CCDC148: variants seen among roughly 807,000 people sequenced by gnomAD.
The protein encoded by CCDC148 is coiled-coil domain-containing protein 148.
In CCDC148, 89 loss-of-function variants were observed where a neutral mutation model predicts 85.7. The ratio of observed to expected loss-of-function variants is 1.04; its 90% CI spans 0.87 to 1.24. The LOEUF (loss-of-function observed/expected upper bound fraction) is 1.24, where lower values mean the gene tolerates loss of function less well. CCDC148 is among the 50% of genes most tolerant of loss of function. CCDC148 has a pLI of 0.00. For missense variants in CCDC148, 692 were observed against 671.7 expected, an observed-to-expected ratio of 1.03 and a Z score of -0.33; for synonymous variants, 230 against 213.9, an observed-to-expected ratio of 1.08 and a Z score of -0.66.
chr2:158,310,134 G>A (rs1005577276), intron 8 of CCDC148, among the ~76,000 whole-genome samples: 2 of 152,164 alleles, frequency 1.3e-5, no homozygotes, highest in African/African-American at 4.8e-5. Context: ...CTCTTAAGGA[G>A]CACGCTGCCT....
chr2:158,417,037 A>G (rs1038061608), intron 1 of CCDC148, among the ~76,000 whole-genome samples: 8 of 152,158 alleles, frequency 5.3e-5, no homozygotes, highest in Non-Finnish European at 1.0e-4. Context: ...GGTGCTATAC[A>G]CTTTTAAACA....
chr2:158,288,811 T>A (rs1233726361), intron 9 of CCDC148: 8 of 377,230 alleles, frequency 2.1e-5, no homozygotes, highest in Non-Finnish European at 5.2e-6. Flanking sequence ...TCCATTTTCA[T>A]GCTGCTGATA....
intron 9 of CCDC148, among the ~76,000 whole-genome samples, chr2:158,283,687 A>G (rs1690460831): frequency 6.6e-6 from 1 of 151,868 alleles, no homozygotes; most frequent in East Asian, 1.9e-4. Context: ...GGGACTGTAA[A>G]CTAGTTCAAC....
At chr2:158,346,250 G>C (rs1365496681) in intron 2 of CCDC148, among the ~76,000 whole-genome samples, 1 of 152,196 alleles carries the variant, frequency 6.6e-6, no homozygotes, top group Admixed American at 6.5e-5. Context: ...TGGGATGGGA[G>C]ACTGAAGGCA....
At chr2:158,382,205 G>A (rs1055103755) in intron 1 of CCDC148, among the ~76,000 whole-genome samples, 4 of 152,006 alleles carry the variant, frequency 2.6e-5, no homozygotes, top group African/African-American at 9.7e-5. Flanking sequence ...CTCCAGAACC[G>A]TAAGCAATCA....
intron 11 of CCDC148, among the ~76,000 whole-genome samples, chr2:158,207,131 T>C (rs757352643): frequency 1.3e-5 from 2 of 152,230 alleles, no homozygotes; most frequent in East Asian, 1.9e-4. Flanking sequence ...TGTGTATCCA[T>C]AGTATCGCAC....
intron 1 of CCDC148, among the ~76,000 whole-genome samples, chr2:158,413,115 A>C (rs1300194361): frequency 2.0e-5 from 3 of 152,130 alleles, no homozygotes; most frequent in African/African-American, 7.2e-5. Flanking sequence ...ATTTGTAGAA[A>C]ATGCATTTGA....
At chr2:158,205,789 C>T (rs987739133) in intron 11 of CCDC148, among the ~76,000 whole-genome samples, 1 of 152,086 alleles carries the variant, frequency 6.6e-6, no homozygotes, top group African/African-American at 2.4e-5. Flanking sequence ...AGAAAGCTGT[C>T]CAGCTGGTCC....
chr2:158,406,070 A>G (rs981202116), intron 1 of CCDC148, among the ~76,000 whole-genome samples: 4 of 152,136 alleles, frequency 2.6e-5, no homozygotes, highest in Admixed American at 1.3e-4. Context: ...TTGCTGAACC[A>G]GTACCTCTTT....
chr2:158,324,508 T>C (rs1468129659), intron 7 of CCDC148, among the ~76,000 whole-genome samples: 1 of 152,130 alleles, frequency 6.6e-6, no homozygotes, highest in African/African-American at 2.4e-5. Flanking sequence ...TTTGAAGATT[T>C]TGCCATCACT....
chr2:158,321,097 G>A (rs1171564195), intron 7 of CCDC148, among the ~76,000 whole-genome samples: 1 of 152,024 alleles, frequency 6.6e-6, no homozygotes, highest in Non-Finnish European at 1.5e-5. Flanking sequence ...CCATATCTAA[G>A]AGAATTTAAA....
chr2:158,331,169 C>T (rs945600226), intron 7 of CCDC148, among the ~76,000 whole-genome samples: 1 of 152,174 alleles, frequency 6.6e-6, no homozygotes, highest in Non-Finnish European at 1.5e-5. Flanking sequence ...TTCCTCTACA[C>T]ACTGCTTTGA....
At chr2:158,201,859 A>G (rs2105283082) in intron 11 of CCDC148, among the ~76,000 whole-genome samples, 1 of 152,276 alleles carries the variant, frequency 6.6e-6, no homozygotes, top group Non-Finnish European at 1.5e-5. Flanking sequence ...ATTACCATTC[A>G]TTTTCTTAGG....
chr2:158,243,624 C>T (rs1371884609), intron 10 of CCDC148, among the ~76,000 whole-genome samples: 2 of 152,094 alleles, frequency 1.3e-5, no homozygotes, highest in South Asian at 2.1e-4. Context: ...CCGTTGATCT[C>T]CCAGAAGGGT....
At chr2:158,297,746 A>T (rs1365816684) in intron 9 of CCDC148, among the ~76,000 whole-genome samples, 1 of 152,216 alleles carries the variant, frequency 6.6e-6, no homozygotes, top group African/African-American at 2.4e-5. Context: ...AGAATCATGT[A>T]CCACAGAGCT....
chr2:158,199,330 C>T lies in CCDC148; in HGVS notation c.1371-20334G>A, dbSNP rs769331798. Among the ~76,000 whole-genome samples, 12 of 152,124 alleles carry T rather than the reference C, an allele frequency of 7.9e-5. No individual in the cohort carries two copies. In the South Asian group the frequency reaches 1.0e-3, roughly 13 times the overall value. On this transcript the variant is annotated intron_variant, in intron 11 of 13. Coordinates refer to ENST00000283233, the MANE Select transcript of CCDC148 (RefSeq NM_138803.4). ...CACCATCTCGGCTCACTGCAACCTC[C>T]GCCTCCCAGGTTCAAGTGATTCTCC...
In CCDC148 at chr2:158,250,838, CT is replaced by C; in HGVS notation, c.1184del (p.Lys395ArgfsTer24). The part of the protein sequence containing the change: ...EMEISARRRE[K>X]EEEKEKLWKK... ...TCCACAGTTTCTCTTTCTCCTCTTCCTTTTCTCTTCTTCTGGCAGAAATTTC... is the reference window on the plus strand; with the variant it reads ...TCCACAGTTTCTCTTTCTCCTCTTCCTTTCTCTTCTTCTGGCAGAAATTTC... On this transcript the variant is annotated frameshift_variant, in exon 10 of 14. Transcript: ENST00000283233. LOFTEE classifies it high-confidence loss of function. The C allele has an allele frequency of 6.2e-7, 1 of 1,606,016 alleles. No individual in the cohort carries two copies. Among genetic ancestry groups the C allele is most frequent in the Non-Finnish European group, 8.5e-7 (1 of 1,177,682 alleles).
chr2:158,281,931 G>A (rs898325541), intron 9 of CCDC148, among the ~76,000 whole-genome samples: 6 of 151,794 alleles, frequency 4.0e-5, no homozygotes, highest in African/African-American at 1.5e-4. Context: ...TATCCACCAT[G>A]ATCAAGTGGG....
chr2:158,227,118 C>G (rs990297920), intron 10 of CCDC148, among the ~76,000 whole-genome samples: 2 of 149,172 alleles, frequency 1.3e-5, no homozygotes, highest in African/African-American at 5.1e-5. Flanking sequence ...TCTCAGGATA[C>G]AAAATCAATG....
Sources: allele counts gnomAD v4.1 joint callset (sites outside exome capture counted in the v4.1 genomes callset), GRCh38; gene constraint gnomAD v4.1.1; transcripts MANE v1.5; gene names NCBI Gene and HGNC (gene_info 2026-07-23, HGNC 2026-07-21).